The following SUCLG2 variants were observed in gnomAD, a reference collection of about 807,000 sequenced individuals.
SUCLG2 encodes the protein succinate--CoA ligase [GDP-forming] subunit beta, mitochondrial.
SUCLG2 carries 42 observed loss-of-function variants against 47.9 expected under a neutral mutation model. The ratio of observed to expected loss-of-function variants is 0.88; its 90% confidence interval spans 0.69 to 1.14. The LOEUF is 1.14. Among genes scored for constraint, SUCLG2 ranks in the 50% most tolerant of loss-of-function variants. The pLI, the probability that SUCLG2 is intolerant of heterozygous loss-of-function variation, is 0.00. For missense variants in SUCLG2, 571 were observed against 525.9 expected, an observed-to-expected ratio of 1.09 and a Z score of -0.84; for synonymous variants, 195 against 197.3, an observed-to-expected ratio of 0.99 and a Z score of 0.10.
chr3:67,364,811 G>A (rs922917032), intron 10 of SUCLG2, among the ~76,000 whole-genome samples: 2 of 152,156 alleles, frequency 1.3e-5, no homozygotes, highest in African/African-American at 4.8e-5. Flanking sequence ...TGAAAAAAAA[G>A]GTGATCCATA....
At chr3:67,397,505 C>T (rs1359335284) in intron 10 of SUCLG2, among the ~76,000 whole-genome samples, 1 of 152,088 alleles carries the variant, frequency 6.6e-6, no homozygotes, top group Admixed American at 6.5e-5. Context: ...AACCACTGCT[C>T]AATGAAATAA....
chr3:67,520,323 T>G (rs1706061362), intron 5 of SUCLG2, among the ~76,000 whole-genome samples, 159 bp downstream of exon 5: 1 of 152,216 alleles, frequency 6.6e-6, no homozygotes, highest in African/African-American at 2.4e-5. Context: ...TCCACCCAAC[T>G]TTCAACTGGA....
chr3:67,406,010 G>C (rs965595972), intron 9 of SUCLG2, among the ~76,000 whole-genome samples: 3 of 152,106 alleles, frequency 2.0e-5, no homozygotes, highest in Admixed American at 6.6e-5. Flanking sequence ...ACCTAGAGAA[G>C]CCCTACAATG....
chr3:67,505,822 C>T (rs753557209), intron 7 of SUCLG2, among the ~76,000 whole-genome samples: 7 of 152,046 alleles, frequency 4.6e-5, no homozygotes, highest in Middle Eastern at 3.4e-3. Flanking sequence ...ATTAGCTGGG[C>T]GCGGTGGTGG....
At chr3:67,627,604 C>T (rs1024183085) in intron 1 of SUCLG2, among the ~76,000 whole-genome samples, 16 of 152,204 alleles carry the variant, frequency 1.1e-4, no homozygotes, top group Admixed American at 5.2e-4. Flanking sequence ...CTTTCTCTTT[C>T]GCCATCTGGC....
chr3:67,475,992 T>C (rs1477547929), intron 9 of SUCLG2, among the ~76,000 whole-genome samples: 2 of 143,084 alleles, frequency 1.4e-5, no homozygotes, highest in African/African-American at 2.9e-5. Flanking sequence ...CTTCTCCCTC[T>C]CTCTCTCTCT....
chr3:67,505,728 G>A lies in SUCLG2; in HGVS notation c.757+3079C>T, dbSNP rs148045832. Among the ~76,000 whole-genome samples, 651 of 152,316 alleles carry A rather than the reference G, an allele frequency of 4.3e-3. 5 individuals carry two copies. Among genetic ancestry groups the A allele is most frequent in the African/African-American group, 0.014 (585 of 41,582 alleles). The stretch of plus-strand genomic sequence containing the variant: ...TGTAATCCCAGCACTTTGGGAGGCC[G>A]AGGTGGGTGGATCACCTGAGGTCAG... On this transcript the variant is annotated intron_variant, in intron 7 of 10. Coordinates refer to ENST00000307227, the MANE Select transcript of SUCLG2 (RefSeq NM_003848.4).
Position 67,614,438 on chromosome 3 carries a change from T to C in SUCLG2, c.85-4842A>G, listed in dbSNP as rs112988016. On this transcript the variant is annotated intron_variant, in intron 1 of 10. Transcript: ENST00000307227. ...GACTTCTGCTTGTAACAGCTAGCCC[T>C]AGACTCGGCCAACACCATTTCCTTC... 2.3e-3 allele frequency among the ~76,000 whole-genome samples: 348 copies of C among 151,720 alleles called. 1 individual carries two copies. The highest frequency in any genetic ancestry group is 0.01 in the Middle Eastern group (3 of 294).
intron 9 of SUCLG2, among the ~76,000 whole-genome samples, chr3:67,481,693 A>C (rs557494256): frequency 1.3e-5 from 2 of 152,202 alleles, no homozygotes; most frequent in Non-Finnish European, 2.9e-5. Context: ...CTGGGTTTTT[A>C]TTGAGCCTTA....
At chr3:67,452,921 C>A (rs1180771037) in intron 9 of SUCLG2, among the ~76,000 whole-genome samples, 1 of 152,200 alleles carries the variant, frequency 6.6e-6, no homozygotes, top group Non-Finnish European at 1.5e-5. Context: ...TTTGAAACTG[C>A]ATAATCTCGC....
intron 2 of SUCLG2, among the ~76,000 whole-genome samples, chr3:67,568,562 C>T (rs1034404089): frequency 2.0e-5 from 3 of 152,108 alleles, no homozygotes; most frequent in Non-Finnish European, 4.4e-5. Flanking sequence ...AATTACCTTC[C>T]CTCATTCTTC....
At chr3:67,419,600 A>T (rs1277665736) in intron 9 of SUCLG2, among the ~76,000 whole-genome samples, 4 of 152,192 alleles carry the variant, frequency 2.6e-5, no homozygotes, top group Non-Finnish European at 5.9e-5. Flanking sequence ...TATTAGGAGC[A>T]TTCTGTCTGA....
At chr3:67,624,949 C>G (rs1297193926) in intron 1 of SUCLG2, among the ~76,000 whole-genome samples, 1 of 152,184 alleles carries the variant, frequency 6.6e-6, no homozygotes, top group Non-Finnish European at 1.5e-5. Context: ...AAGACTCTTA[C>G]AAATAGACAA....
chr3:67,621,335 A>AT lies in SUCLG2; in HGVS notation c.85-11740_85-11739insA, dbSNP rs530523541. Among the ~76,000 whole-genome samples, 527 of 152,324 alleles carry AT rather than the reference A, an allele frequency of 3.5e-3. 2 individuals carry two copies. Among genetic ancestry groups the AT allele is most frequent in the African/African-American group, 0.012 (503 of 41,564 alleles). The stretch of plus-strand genomic sequence containing the variant: ...AGATGTGGGTTTAAGGAAAAAAAAA[A>AT]GAAATCTAGTATTAGACACACACAC... On this transcript the variant is annotated intron_variant, in intron 1 of 10. Transcript: ENST00000307227.
chr3:67,514,812 C>T (rs1056327108), intron 6 of SUCLG2, among the ~76,000 whole-genome samples: 4 of 152,160 alleles, frequency 2.6e-5, no homozygotes, highest in Non-Finnish European at 5.9e-5. Context: ...TACAGCCACA[C>T]TTAGATGACC....
intron 10 of SUCLG2, among the ~76,000 whole-genome samples, chr3:67,388,973 C>T (rs1022391971): frequency 1.3e-5 from 2 of 151,844 alleles, no homozygotes; most frequent in Non-Finnish European, 2.9e-5. Flanking sequence ...GTATTGGGGT[C>T]GTAACAGAGG....
intron 2 of SUCLG2, among the ~76,000 whole-genome samples, chr3:67,533,958 C>T (rs984822997): frequency 6.6e-6 from 1 of 151,078 alleles, no homozygotes; most frequent in African/African-American, 2.4e-5. Flanking sequence ...TTAGAATAAA[C>T]CATTTCACCA....
intron 1 of SUCLG2, among the ~76,000 whole-genome samples, chr3:67,635,997 G>A (rs1701003334): frequency 6.6e-6 from 1 of 152,188 alleles, no homozygotes; most frequent in Non-Finnish European, 1.5e-5. Flanking sequence ...ACAGGAAATA[G>A]GATCTGTCAA....
intron 10 of SUCLG2, among the ~76,000 whole-genome samples, chr3:67,378,698 T>A (rs1302179030): frequency 6.6e-6 from 1 of 152,254 alleles, no homozygotes; most frequent in Non-Finnish European, 1.5e-5. Flanking sequence ...TTTGTTAAGC[T>A]GCTACATTTT....
Sources: allele counts gnomAD v4.1 joint callset (sites outside exome capture counted in the v4.1 genomes callset), GRCh38; gene constraint gnomAD v4.1.1; transcripts MANE v1.5; gene names NCBI Gene and HGNC (gene_info 2026-07-23, HGNC 2026-07-21).